The following ABCG1 variants were observed in gnomAD, a reference collection of about 807,000 sequenced individuals.
ABCG1 encodes ATP-binding cassette sub-family G member 1.
A neutral mutation model predicts 69.2 loss-of-function variants in ABCG1; 29 were observed. The observed-to-expected ratio is 0.42, with a 90% CI of 0.31 to 0.57. ABCG1 has a LOEUF of 0.57. ABCG1 is among the 20% of genes least tolerant of loss of function. ABCG1 has a pLI of 0.15. For missense variants in ABCG1, 718 were observed against 898.1 expected (o/e 0.80, Z 2.56); for synonymous variants, 370 against 374.8 (o/e 0.99, Z 0.15).
chr21:42,283,840 C>CT lies in ABCG1; in HGVS notation c.735-720_735-719insT, dbSNP rs1352541559. Among the ~76,000 whole-genome samples, 50 of 66,274 alleles carry CT rather than the reference C, an allele frequency of 7.5e-4. 1 individual carries two copies. The highest frequency in any genetic ancestry group is 3.0e-3 in the African/African-American group (48 of 15,766). 43.5% of individuals were successfully genotyped at this position (66,274 alleles called of 152,430 possible). A position where few individuals can be genotyped will look rare whatever the true frequency, so the allele number is the denominator to read the frequency against. On this transcript the variant is annotated intron_variant, in intron 6 of 14. Coordinates refer to ENST00000398449, the MANE Select transcript of ABCG1 (RefSeq NM_016818.3). Reference sequence around the variant, plus strand: ...TCCCGCCTGGACAGTTGCAAAGTCCCCCCGCCCAGATGAGTGGGGACCCCC... The same window carrying CT: ...TCCCGCCTGGACAGTTGCAAAGTCCCTCCCGCCCAGATGAGTGGGGACCCCC...
At chr21:42,236,366 T>C (rs573886633) in intron 2 of ABCG1, among the ~76,000 whole-genome samples, 3 of 152,346 alleles carry the variant, frequency 2.0e-5, no homozygotes, top group Non-Finnish European at 2.9e-5. Flanking sequence ...ACAAACATCA[T>C]TTCCATCAGC....
At chr21:42,205,862 C>T (rs1307990451) in intron 2 of ABCG1, among the ~76,000 whole-genome samples, 1 of 152,116 alleles carries the variant, frequency 6.6e-6, no homozygotes, top group African/African-American at 2.4e-5. Flanking sequence ...AGTTGTGTCC[C>T]ACAAATTTTG....
intron 2 of ABCG1, among the ~76,000 whole-genome samples, chr21:42,250,424 C>T (rs1000647556): frequency 3.9e-5 from 6 of 152,170 alleles, no homozygotes; most frequent in Admixed American, 1.3e-4. Flanking sequence ...GTGCTCTGGG[C>T]ATCCTGCATG....
At chr21:42,210,794 G>C (rs2067580997) in intron 2 of ABCG1, among the ~76,000 whole-genome samples, 2 of 152,044 alleles carry the variant, frequency 1.3e-5, no homozygotes, top group Admixed American at 6.5e-5. Flanking sequence ...CCTCCCACAG[G>C]CTGTGTGTGC....
intron 14 of ABCG1, chr21:42,295,333 T>TAAAAAAAAAAAAAGAAAAAAAAA (rs2069184487): frequency 1.7e-5 from 1 of 59,000 alleles, no homozygotes; most frequent in Non-Finnish European, 3.2e-5. Flanking sequence ...TCCGTCTCAA[T>TAAAAAAAAAAAAAGAAAAAAAAA]AAAAAAAAAA....
At chr21:42,215,171 A>C (rs992484110), upstream of ABCG1, among the ~76,000 whole-genome samples, 19 of 152,166 alleles carry the variant, frequency 1.2e-4, no homozygotes, top group Non-Finnish European at 1.5e-5. Context: ...AATTCAAGTC[A>C]CCAAGCCAGT....
upstream of ABCG1, among the ~76,000 whole-genome samples, chr21:42,217,638 C>T (rs1295670157): frequency 2.7e-5 from 4 of 150,542 alleles, no homozygotes; most frequent in Admixed American, 6.6e-5. Flanking sequence ...GTCAGATTTC[C>T]TCATTTCAGC....
intron 2 of ABCG1, among the ~76,000 whole-genome samples, chr21:42,270,780 G>A (rs1001276941): frequency 1.3e-5 from 2 of 152,142 alleles, no homozygotes; most frequent in African/African-American, 4.8e-5. Flanking sequence ...GACGGGAATG[G>A]TGGATTCCCC....
chr21:42,282,651 G>A (rs541923065), intron 6 of ABCG1, among the ~76,000 whole-genome samples: 1 of 152,336 alleles, frequency 6.6e-6, no homozygotes, highest in African/African-American at 2.4e-5. Flanking sequence ...TGGGGGTATG[G>A]CTTTGGGGGA....
Position 42,219,326 on chromosome 21 carries a change from C to T in ABCG1, c.42+22C>T, listed in dbSNP as rs779460324. On this transcript the variant is annotated intron_variant, in intron 1 of 14. Transcript: ENST00000398449. This position sits in a 1 kb window ranked among gnomAD's most constrained non-coding sequence, Gnocchi z 5.3. ...CATGGTGAGTGAGCGCATCCTTCGT[C>T]CGCCGGGAACGGTTTTATTTTCAAG... is the stretch of plus-strand genomic sequence containing the variant. 4.4e-6 allele frequency: 7 copies of T among 1,596,504 alleles called. No individual in the cohort carries two copies. The South Asian group carries it at 6.7e-5, about 15-fold the overall frequency.
In ABCG1 at chr21:42,276,312, ACT is replaced by A. The variant is rs2068710145; in HGVS notation, c.538-579_538-578del. On this transcript the variant is annotated intron_variant, in intron 4 of 14. Transcript: ENST00000398449. This position sits in a 1 kb window ranked among gnomAD's most constrained non-coding sequence, Gnocchi z 5.3. ...CCTCGTAAATTCCTGTGCTGTAAAG[ACT>A]CTCCTGTGGATAAGTTCAAGCCTCA... is the stretch of plus-strand genomic sequence containing the variant. 1 of 152,094 alleles carries A rather than the reference ACT, an allele frequency of 6.6e-6. No homozygotes were observed. The highest frequency in any genetic ancestry group is 6.5e-5 in the Admixed American group (1 of 15,328). 9.4% of individuals were successfully genotyped at this position (152,094 alleles called of 1,614,324 possible). A position where few individuals can be genotyped will look rare whatever the true frequency, so the allele number is the denominator to read the frequency against.
At chr21:42,244,111 G>A (rs756730452) in intron 2 of ABCG1, among the ~76,000 whole-genome samples, 2 of 152,108 alleles carry the variant, frequency 1.3e-5, no homozygotes, top group South Asian at 2.1e-4. Context: ...GAGCCCCCAC[G>A]CCCGGCCTAT....
chr21:42,245,834 A>C (rs981229467), intron 2 of ABCG1, among the ~76,000 whole-genome samples: 14 of 151,384 alleles, frequency 9.2e-5, no homozygotes, highest in Non-Finnish European at 1.6e-4. Flanking sequence ...ACCAGGCAGC[A>C]GACTCTGATG....
At chr21:42,257,696 G>A (rs1385315294) in intron 2 of ABCG1, among the ~76,000 whole-genome samples, 1 of 152,192 alleles carries the variant, frequency 6.6e-6, no homozygotes, top group East Asian at 1.9e-4. Context: ...GTTGAAATGT[G>A]TGGCAAAGAA....
rs753192769 is a variant in ABCG1, at chr21:42,273,264, G to A, written c.405-39G>A. On this transcript the variant is annotated intron_variant, in intron 3 of 14. Coordinates refer to ENST00000398449, the MANE Select transcript of ABCG1 (RefSeq NM_016818.3). The surrounding 1 kb of genome is among the most constrained non-coding windows in gnomAD (Gnocchi z 5.3). ...GCCCCGGGAGGTGGAGGAGGAGCAG[G>A]AGCCCGGCTGACGGCTTCTCCTGTC... is the stretch of plus-strand genomic sequence containing the variant. 2 of 1,589,260 alleles carry A rather than the reference G, an allele frequency of 1.3e-6. No homozygotes were observed. Among genetic ancestry groups the A allele is most frequent in the Admixed American group, 1.7e-5 (1 of 58,506 alleles).
At chr21:42,216,237 T>C (rs572638249), upstream of ABCG1, 47 of 413,276 alleles carry the variant, frequency 1.1e-4, no homozygotes, top group African/African-American at 8.8e-4. Context: ...GTCTCAGGTA[T>C]GTCTTTATCG....
intron 2 of ABCG1, among the ~76,000 whole-genome samples, chr21:42,244,697 G>A (rs1186382866): frequency 6.6e-6 from 1 of 152,212 alleles, no homozygotes; most frequent in Non-Finnish European, 1.5e-5. Context: ...AGAATGAGCT[G>A]GGAGGTGTGA....
rs183808546 is a variant in ABCG1, at chr21:42,287,356, C to T, written c.974-533C>T. On this transcript the variant is annotated intron_variant, in intron 8 of 14. Transcript: ENST00000398449. This position sits in a 1 kb window ranked among gnomAD's most constrained non-coding sequence, Gnocchi z 6.2. The stretch of plus-strand genomic sequence containing the variant: ...CAGCGGGCAGGGCCGGTGCAGGAGA[C>T]GCTCACTGGGATCTGAGAGGTGCAG... Among the ~76,000 whole-genome samples, 187 of 152,274 alleles carry T rather than the reference C, an allele frequency of 1.2e-3. 1 individual carries two copies. The highest frequency in any genetic ancestry group is 4.1e-3 in the African/African-American group (171 of 41,538).
At chr21:42,215,448 C>T (rs1012525373), upstream of ABCG1, among the ~76,000 whole-genome samples, 2 of 152,234 alleles carry the variant, frequency 1.3e-5, no homozygotes, top group Non-Finnish European at 2.9e-5. Context: ...TCTCTTCCCA[C>T]AGACCTAGAC....
Sources: gnomAD v4.1 joint callset for allele counts (sites outside exome capture counted in the v4.1 genomes callset) on GRCh38, gnomAD v4.1.1 for gene constraint, Gnocchi (gnomAD v3.1) non-coding constraint, MANE v1.5 for transcripts, NCBI Gene and HGNC (gene_info 2026-07-23, HGNC 2026-07-21) for gene names.